The following RSRC1 variants were observed in gnomAD, a reference collection of about 807,000 sequenced individuals.
RSRC1 encodes the protein arginine and serine rich coiled-coil 1.
A neutral mutation model predicts 49.1 loss-of-function variants in RSRC1; 39 were observed. The ratio of observed to expected loss-of-function variants is 0.79; its 90% CI spans 0.61 to 1.04. The LOEUF (loss-of-function observed/expected upper bound fraction) is 1.04. Ranked by LOEUF, RSRC1 falls within the 50% of genes least tolerant of loss-of-function variation. The probability of loss-of-function intolerance (pLI) is 0.00; values close to 1 mark genes in which losing one functional copy is unlikely to be tolerated. For missense variants in RSRC1, 388 were observed against 402.4 expected, an observed-to-expected ratio of 0.96 and a Z score of 0.31; for synonymous variants, 143 against 130.8, an observed-to-expected ratio of 1.09 and a Z score of -0.63.
chr3:158,385,935 T>C (rs1220904826), intron 6 of RSRC1, among the ~76,000 whole-genome samples: 2 of 152,194 alleles, frequency 1.3e-5, no homozygotes, highest in African/African-American at 4.8e-5. Context: ...CTTTGACTAA[T>C]GTGCTGTCTA....
At chr3:158,232,229 AC>A (rs1723006617) in intron 4 of RSRC1, among the ~76,000 whole-genome samples, 1 of 104,104 alleles carries the variant, frequency 9.6e-6, no homozygotes, top group Admixed American at 1.0e-4. Flanking sequence ...ATTTATATTT[AC>A]TTTAAAAAGA....
rs1489176179 is a variant in RSRC1, at chr3:158,431,124, A to G, written c.584-29811A>G. ...CATTGTGTGGAACAGTTTGGGAAATACTGGTACAGCTATTTCCTGAAGCTA... is the reference window on the plus strand; with the variant it reads ...CATTGTGTGGAACAGTTTGGGAAATGCTGGTACAGCTATTTCCTGAAGCTA... On this transcript the variant is annotated intron_variant, in intron 6 of 9. Transcript: ENST00000611884. 2.0e-5 allele frequency among the ~76,000 whole-genome samples: 3 copies of G among 151,962 alleles called. 1 individual carries two copies. The highest frequency in any genetic ancestry group is 7.2e-5 in the African/African-American group (3 of 41,436).
intron 4 of RSRC1, chr3:158,276,097 T>G: frequency 1.1e-6 from 1 of 891,368 alleles, no homozygotes; most frequent in Non-Finnish European, 1.9e-6. Context: ...AGCCCCACAG[T>G]GGCGTCCAGC....
chr3:158,392,784 T>C (rs1733390182), intron 6 of RSRC1, among the ~76,000 whole-genome samples: 1 of 151,984 alleles, frequency 6.6e-6, no homozygotes, highest in African/African-American at 2.4e-5. Context: ...TGTGGAAAAC[T>C]AACAAAGATA....
intron 4 of RSRC1, among the ~76,000 whole-genome samples, chr3:158,296,068 G>A (rs1337649254): frequency 1.3e-5 from 2 of 152,006 alleles, no homozygotes; most frequent in Non-Finnish European, 2.9e-5. Context: ...TTCTGATAAA[G>A]CATGTCTAGC....
chr3:158,206,392 G>C (rs1479000529), intron 4 of RSRC1, among the ~76,000 whole-genome samples: 1 of 152,160 alleles, frequency 6.6e-6, no homozygotes, highest in Admixed American at 6.6e-5. Context: ...ATATGGAAAG[G>C]CTTGGAGGCA....
chr3:158,333,170 A>G (rs556824200), intron 5 of RSRC1, among the ~76,000 whole-genome samples: 5 of 152,052 alleles, frequency 3.3e-5, no homozygotes, highest in Admixed American at 6.6e-5. Context: ...GGGTTTCACC[A>G]TGGTAGCCAG....
intron 3 of RSRC1, among the ~76,000 whole-genome samples, chr3:158,159,080 C>G (rs1387264065): frequency 6.6e-6 from 1 of 152,080 alleles, no homozygotes; most frequent in Non-Finnish European, 1.5e-5. Flanking sequence ...GCCCAGAGAC[C>G]CTCTCTTGTC....
At chr3:158,398,494 G>A (rs749783485) in intron 6 of RSRC1, among the ~76,000 whole-genome samples, 32 of 152,084 alleles carry the variant, frequency 2.1e-4, no homozygotes, top group Non-Finnish European at 4.4e-4. Context: ...TATGAGGCAC[G>A]AATCTGATCC....
intron 7 of RSRC1, among the ~76,000 whole-genome samples, chr3:158,488,117 G>A (rs1738906728): frequency 1.3e-5 from 2 of 152,006 alleles, no homozygotes; most frequent in East Asian, 3.9e-4. Context: ...AACCTTAAGT[G>A]GCAGTCACAA....
At chr3:158,518,924 T>C (rs1415884431) in intron 7 of RSRC1, among the ~76,000 whole-genome samples, 2 of 152,214 alleles carry the variant, frequency 1.3e-5, no homozygotes, top group African/African-American at 4.8e-5. Context: ...GAATTTATCA[T>C]TTTTCACTAG....
At chr3:158,144,916 G>A (rs1716987240) in intron 3 of RSRC1, among the ~76,000 whole-genome samples, 1 of 152,094 alleles carries the variant, frequency 6.6e-6, no homozygotes, top group Non-Finnish European at 1.5e-5. Flanking sequence ...TGTGTCTGTT[G>A]GCTGAATAAA....
rs144286268 is a variant in RSRC1, at chr3:158,194,146, C to T, written c.321-8926C>T. 9.3e-3 allele frequency among the ~76,000 whole-genome samples: 1,416 copies of T among 151,758 alleles called. 11 individuals carry two copies. Among genetic ancestry groups the T allele is most frequent in the Non-Finnish European group, 0.014 (968 of 67,916 alleles). ...GCATGGTGGCACAGCTGTAGTCCCA[C>T]ATCTGTAGTCCCAGCTACTTGGGAA... On this transcript the variant is annotated intron_variant, in intron 3 of 9. Coordinates refer to ENST00000611884, the MANE Select transcript of RSRC1 (RefSeq NM_001271838.2).
chr3:158,515,062 T>C (rs1422512908), intron 7 of RSRC1, among the ~76,000 whole-genome samples: 2 of 148,428 alleles, frequency 1.3e-5, no homozygotes, highest in East Asian at 4.0e-4. Context: ...GGGTCTTGAC[T>C]CTTTATCCAA....
chr3:158,250,967 G>A (rs1193937284), intron 4 of RSRC1, among the ~76,000 whole-genome samples: 1 of 152,122 alleles, frequency 6.6e-6, no homozygotes, highest in Non-Finnish European at 1.5e-5. Flanking sequence ...TTCGTAGTTT[G>A]AGGTCTTAAA....
chr3:158,118,512 A>C (rs1223710224), intron 1 of RSRC1, among the ~76,000 whole-genome samples: 1 of 149,188 alleles, frequency 6.7e-6, no homozygotes, highest in African/African-American at 2.5e-5. Context: ...ATTTTAAGCT[A>C]TCTGTCCTAT....
At chr3:158,286,430 A>G (rs1035899465) in intron 4 of RSRC1, among the ~76,000 whole-genome samples, 3 of 152,192 alleles carry the variant, frequency 2.0e-5, no homozygotes, top group Non-Finnish European at 4.4e-5. Flanking sequence ...TATGTAAAGC[A>G]CTTGTTACCG....
chr3:158,402,415 A>C (rs975070400), intron 6 of RSRC1, among the ~76,000 whole-genome samples: 1 of 151,868 alleles, frequency 6.6e-6, no homozygotes, highest in African/African-American at 2.4e-5. Context: ...CAGTATCATC[A>C]ATATTCAAAA....
At chr3:158,330,418 G>C (rs1729477563) in intron 5 of RSRC1, among the ~76,000 whole-genome samples, 1 of 152,160 alleles carries the variant, frequency 6.6e-6, no homozygotes, top group South Asian at 2.1e-4. Context: ...CATTAGGCTA[G>C]ATTCTTAAAA....
Sources: allele counts gnomAD v4.1 joint callset (sites outside exome capture counted in the v4.1 genomes callset), GRCh38; gene constraint gnomAD v4.1.1; transcripts MANE v1.5; gene names NCBI Gene and HGNC (gene_info 2026-07-23, HGNC 2026-07-21).